The following FBXW7 variants were observed in gnomAD, a reference collection of about 807,000 sequenced individuals.
The protein encoded by FBXW7 is F-box/WD repeat-containing protein 7.
FBXW7 carries 11 observed loss-of-function variants against 86.3 expected under a neutral mutation model. That is an observed-to-expected ratio of 0.13 (90% CI 0.08 to 0.21). FBXW7 has a LOEUF of 0.21. FBXW7 is among the 10% of genes least tolerant of loss of function. The pLI is 1.00. For synonymous variants in FBXW7, 313 were observed against 297.9 expected (o/e 1.05, Z -0.52); for missense variants, 488 against 847.4 (o/e 0.58, Z 5.27).
rs571892206 is a variant in FBXW7 at position 152,338,168 on chromosome 4, A to G, written c.727-232T>C. On this transcript the variant is annotated intron_variant, in intron 6 of 13. Coordinates refer to ENST00000281708, the MANE Select transcript of FBXW7 (RefSeq NM_001349798.2). The stretch of plus-strand genomic sequence containing the variant: ...GTTAAAAAAAAACATGTTTGACAGA[A>G]AAATATTTTTTCATTACATTATTAT... 1.8e-3 allele frequency: 609 copies of G among 337,410 alleles called. 1 individual carries two copies. The highest frequency in any genetic ancestry group is 4.0e-3 in the Admixed American group (88 of 21,754). 20.9% of individuals were successfully genotyped at this position (337,410 alleles called of 1,614,324 possible).
chr4:152,461,870 G>A (rs927896137), intron 2 of FBXW7, among the ~76,000 whole-genome samples: 1 of 152,140 alleles, frequency 6.6e-6, no homozygotes, highest in Non-Finnish European at 1.5e-5. Context: ...CTTGGAAACA[G>A]CAACTTGAAG....
chr4:152,484,616 A>T (rs753330116), intron 2 of FBXW7, among the ~76,000 whole-genome samples: 28 of 152,200 alleles, frequency 1.8e-4, no homozygotes, highest in Non-Finnish European at 3.5e-4. Context: ...GTAATTTTTT[A>T]AATTATTAAA....
At chr4:152,432,099 A>G (rs80343780) in intron 2 of FBXW7, among the ~76,000 whole-genome samples, 2,087 of 152,276 alleles carry the variant, frequency 0.014, 26 homozygotes, top group Middle Eastern at 0.037. Flanking sequence ...TAGTATAGCT[A>G]CTTATTTGGT....
At chr4:152,402,258 T>G (rs1737007213) in intron 4 of FBXW7, among the ~76,000 whole-genome samples, 1 of 152,034 alleles carries the variant, frequency 6.6e-6, no homozygotes. Flanking sequence ...TATGTAAAAA[T>G]TTATACACTA....
At chr4:152,520,611 A>G (rs1748927204) in intron 2 of FBXW7, among the ~76,000 whole-genome samples, 1 of 152,178 alleles carries the variant, frequency 6.6e-6, no homozygotes, top group Non-Finnish European at 1.5e-5. Context: ...AAAGGGGACC[A>G]GTCCTTATTT....
intron 2 of FBXW7, among the ~76,000 whole-genome samples, chr4:152,493,558 T>C (rs901466373): frequency 1.3e-5 from 2 of 152,176 alleles, no homozygotes; most frequent in Admixed American, 1.3e-4. Flanking sequence ...TAACCCCCAG[T>C]ACGTCAGAAC....
At chr4:152,414,119 T>C (rs1489422136) in intron 2 of FBXW7, among the ~76,000 whole-genome samples, 1 of 152,132 alleles carries the variant, frequency 6.6e-6, no homozygotes, top group Non-Finnish European at 1.5e-5. Flanking sequence ...CCTAAATATA[T>C]CTTTAATATA....
At chr4:152,504,516 A>T (rs777474658) in intron 2 of FBXW7, among the ~76,000 whole-genome samples, 1 of 152,170 alleles carries the variant, frequency 6.6e-6, no homozygotes, top group Non-Finnish European at 1.5e-5. Context: ...CAGTAGCTCA[A>T]TTTTGAAATG....
chr4:152,372,801 A>C (rs970797736), intron 4 of FBXW7, among the ~76,000 whole-genome samples: 5 of 152,040 alleles, frequency 3.3e-5, no homozygotes, highest in Admixed American at 2.6e-4. Context: ...TTACCTAATT[A>C]AAAATTTGTT....
At chr4:152,408,818 T>TA (rs1737669698) in intron 4 of FBXW7, among the ~76,000 whole-genome samples, 1 of 152,222 alleles carries the variant, frequency 6.6e-6, no homozygotes, top group Admixed American at 6.5e-5. Flanking sequence ...TAGTGTAATC[T>TA]GGGGTGGATC....
chr4:152,514,359 C>T (rs894313539), intron 2 of FBXW7, among the ~76,000 whole-genome samples: 2 of 152,156 alleles, frequency 1.3e-5, no homozygotes, highest in African/African-American at 4.8e-5. Flanking sequence ...AATATAAGAA[C>T]TGACTAGAAG....
chr4:152,525,509 G>GT (rs1235449580), intron 2 of FBXW7, among the ~76,000 whole-genome samples: 1 of 152,076 alleles, frequency 6.6e-6, no homozygotes, highest in Non-Finnish European at 1.5e-5. Flanking sequence ...TTGTTCATAA[G>GT]TTCTTACCAT....
chr4:152,532,998 C>A (rs1750151913), intron 2 of FBXW7, among the ~76,000 whole-genome samples: 1 of 152,216 alleles, frequency 6.6e-6, no homozygotes, highest in East Asian at 1.9e-4. Context: ...ACCAGCCTGA[C>A]CCACATGGTG....
intron 2 of FBXW7, among the ~76,000 whole-genome samples, chr4:152,497,331 A>AC (rs1291016673): frequency 1.2e-4 from 17 of 142,384 alleles, no homozygotes; most frequent in African/African-American, 4.0e-4. Flanking sequence ...CAAAAAAAAA[A>AC]AAAAAAAAAA....
intron 4 of FBXW7, among the ~76,000 whole-genome samples, chr4:152,397,793 T>C (rs143021789): frequency 1.4e-5 from 2 of 147,972 alleles, no homozygotes; most frequent in African/African-American, 5.0e-5. Flanking sequence ...TACCCCACAA[T>C]ATTACTGTCT....
At chr4:152,387,795 G>A (rs527764862) in intron 4 of FBXW7, among the ~76,000 whole-genome samples, 30 of 135,780 alleles carry the variant, frequency 2.2e-4, no homozygotes, top group South Asian at 9.6e-4. Context: ...TGCAACCTCC[G>A]CCTCCCAGGT....
chr4:152,409,149 T>C (rs1516822), intron 4 of FBXW7, among the ~76,000 whole-genome samples: 55,380 of 152,012 alleles, frequency 0.36, 10,763 homozygotes, highest in African/African-American at 0.51. Context: ...ATGGGTAAAA[T>C]TCAGTCTAGC....
At chr4:152,360,737 T>C (rs1271261572) in intron 4 of FBXW7, among the ~76,000 whole-genome samples, 2 of 151,970 alleles carry the variant, frequency 1.3e-5, no homozygotes, top group Non-Finnish European at 2.9e-5. Context: ...TAACACAATA[T>C]AAGGTACGGT....
chr4:152,518,961 T>A lies in FBXW7; in HGVS notation c.-120+15980A>T, dbSNP rs182878670. On this transcript the variant is annotated intron_variant, in intron 2 of 13. Coordinates refer to ENST00000281708, the MANE Select transcript of FBXW7 (RefSeq NM_001349798.2). Reference sequence around the variant, plus strand: ...AAAAGAAGAAAAAATAAATTTTTTTTAAATTACAAACACCAAATCAGCAAA... The same window carrying A: ...AAAAGAAGAAAAAATAAATTTTTTTAAAATTACAAACACCAAATCAGCAAA... 5.8e-3 allele frequency among the ~76,000 whole-genome samples: 886 copies of A among 152,266 alleles called. 6 individuals are homozygous for A. Among genetic ancestry groups the A allele is most frequent in the African/African-American group, 0.02 (839 of 41,552 alleles).
Sources: allele counts gnomAD v4.1 joint callset (sites outside exome capture counted in the v4.1 genomes callset), GRCh38; gene constraint gnomAD v4.1.1; transcripts MANE v1.5; gene names NCBI Gene and HGNC (gene_info 2026-07-23, HGNC 2026-07-21).